TAF2: variants seen among roughly 807,000 people sequenced by gnomAD.
The protein encoded by TAF2 is transcription initiation factor TFIID subunit 2.
In TAF2, 61 loss-of-function variants were observed where a neutral mutation model predicts 138.5. The observed-to-expected ratio is 0.44, with a 90% CI of 0.36 to 0.54. The LOEUF is 0.54. TAF2 is among the 20% of genes least tolerant of loss of function. TAF2 has a pLI of 0.00. For missense variants in TAF2, 1,090 were observed against 1,427.9 expected, an observed-to-expected ratio of 0.76 and a Z score of 3.81; for synonymous variants, 475 against 469.9, an observed-to-expected ratio of 1.01 and a Z score of -0.14.
At chr8:119,802,347 C>G (rs1824323011) in intron 5 of TAF2, among the ~76,000 whole-genome samples, 2 of 152,296 alleles carry the variant, frequency 1.3e-5, no homozygotes, top group South Asian at 4.1e-4. Flanking sequence ...TTTTATGCAG[C>G]ATTCATTTCT....
intron 7 of TAF2, 152 bp from the exon 8 acceptor site, chr8:119,797,255 A>G (rs1823892387): frequency 1.5e-6 from 1 of 670,038 alleles, no homozygotes; most frequent in Non-Finnish European, 2.6e-6. Context: ...GCTAAAATTC[A>G]TCATCTTAGT....
Position 119,764,077 on chromosome 8 carries a change from T to C in TAF2, c.2365-1469A>G, listed in dbSNP as rs1010081928. On this transcript the variant is annotated intron_variant, in intron 18 of 25. Transcript: ENST00000378164. ...AGCAGAACTGCTTGAATCTGGGAGG[T>C]GGAGGTTGCAGTGAGCCGAGATTGT... Among the ~76,000 whole-genome samples, 7 of 147,500 alleles carry C rather than the reference T, an allele frequency of 4.7e-5. No individual in the cohort carries two copies. The South Asian group carries it at 1.5e-3, about 32-fold the overall frequency.
chr8:119,832,623 G>A lies in TAF2; in HGVS notation c.-59C>T. The A allele has an allele frequency of 6.5e-7, 1 of 1,529,886 alleles. No individual in the cohort carries two copies. 94.8% of individuals were successfully genotyped at this position (1,529,886 alleles called of 1,614,324 possible). On this transcript the variant is annotated 5_prime_UTR_variant, in exon 1 of 26. Coordinates refer to ENST00000378164, the MANE Select transcript of TAF2 (RefSeq NM_003184.4). ...CCTAGGGGGATACGGGGCATTACTA[G>A]TCTTTGGCACCTCACACTCTCCACT...
intron 22 of TAF2, among the ~76,000 whole-genome samples, chr8:119,754,330 G>A (rs1820555353): frequency 6.6e-6 from 1 of 152,130 alleles, no homozygotes; most frequent in Admixed American, 6.5e-5. Context: ...AATGAGATAG[G>A]CAGGACAACT....
intron 2 of TAF2, among the ~76,000 whole-genome samples, chr8:119,830,771 T>C (rs1826395594): frequency 1.3e-5 from 2 of 152,172 alleles, no homozygotes; most frequent in African/African-American, 4.8e-5. Context: ...CATTTTAGCC[T>C]ATGTAATAAA....
At chr8:119,738,346 T>C (rs1262548270) in intron 25 of TAF2, among the ~76,000 whole-genome samples, 1 of 152,094 alleles carries the variant, frequency 6.6e-6, no homozygotes, top group African/African-American at 2.4e-5. Context: ...ACAATACATA[T>C]ATTACCATCC....
intron 25 of TAF2, among the ~76,000 whole-genome samples, chr8:119,740,961 C>T (rs1348788123): frequency 6.6e-6 from 1 of 151,986 alleles, no homozygotes; most frequent in Non-Finnish European, 1.5e-5. Flanking sequence ...TACATTTTTG[C>T]CTCATGCCAA....
At position 119,788,915 on chromosome 8, in the gene TAF2, G is replaced by T. The variant is rs368720629; in HGVS notation, c.1569-11C>A. On this transcript the variant is annotated splice_polypyrimidine_tract_variant and intron_variant, in intron 12 of 25. Transcript: ENST00000378164. ...ACTCCACTCTGATCTCTGAAGAATT[G>T]TAAAGGAAAGTTTACATACTGAAAC... is the stretch of plus-strand genomic sequence containing the variant. 3.3e-6 allele frequency: 5 copies of T among 1,535,720 alleles called. No homozygotes were observed. The highest frequency in any genetic ancestry group is 4.5e-6 in the Non-Finnish European group (5 of 1,108,876).
chr8:119,777,877 G>A (rs1822367482), intron 18 of TAF2, 142 bp downstream of exon 18: 2 of 561,060 alleles, frequency 3.6e-6, no homozygotes, highest in South Asian at 4.5e-5. Context: ...GTCAAGGACT[G>A]TGGACAGTCA....
At chr8:119,762,098 G>A (rs984097620) in intron 19 of TAF2, among the ~76,000 whole-genome samples, 1 of 151,928 alleles carries the variant, frequency 6.6e-6, no homozygotes, top group Non-Finnish European at 1.5e-5. Context: ...AAAATCCAAC[G>A]AAATAAAAGA....
Position 119,768,402 on chromosome 8 carries a change from T to C in TAF2, c.2365-5794A>G, listed in dbSNP as rs1821592374. On this transcript the variant is annotated intron_variant, in intron 18 of 25. Transcript: ENST00000378164. ...ACACACTGCATTTTCATGCCTCTTG[T>C]ACTTTTGTTAATGTGTTCTTAACCC... 9.2e-5 allele frequency among the ~76,000 whole-genome samples: 14 copies of C among 152,206 alleles called. No homozygotes were observed. The South Asian group carries it at 2.9e-3, about 32-fold the overall frequency.
intron 18 of TAF2, chr8:119,766,869 A>T (rs1821462436): frequency 6.6e-6 from 1 of 152,242 alleles, no homozygotes. Flanking sequence ...GATGGAAGAT[A>T]CATGATATAT....
chr8:119,793,529 C>G lies in TAF2; in HGVS notation c.1192-78G>C, dbSNP rs888412609. The stretch of plus-strand genomic sequence containing the variant: ...TTACATACCAAATTTTAGAATTAAA[C>G]TGTGAATTCTCATTTCCTAAAATCA... On this transcript the variant is annotated intron_variant, in intron 9 of 25. Coordinates refer to ENST00000378164, the MANE Select transcript of TAF2 (RefSeq NM_003184.4). 479 of 978,088 alleles carry G rather than the reference C, an allele frequency of 4.9e-4. 2 individuals are homozygous for G. Among genetic ancestry groups the G allele is most frequent in the Non-Finnish European group, 7.0e-4 (439 of 625,926 alleles). The allele number at this position is 978,088 out of a possible 1,614,324, so 60.6% of individuals were successfully genotyped here. A position where few individuals can be genotyped will look rare whatever the true frequency, so the allele number is the denominator to read the frequency against.
chr8:119,831,195 CGGGAGGCAGG>C (rs1039603943), intron 2 of TAF2, among the ~76,000 whole-genome samples: 12 of 152,170 alleles, frequency 7.9e-5, no homozygotes, highest in South Asian at 4.2e-4. Context: ...TAAATTGTGT[CGGGAGGCAGG>C]GGGAGGTAGA....
chr8:119,777,190 T>TC (rs1212910610), intron 18 of TAF2, among the ~76,000 whole-genome samples: 2 of 152,158 alleles, frequency 1.3e-5, no homozygotes, highest in Non-Finnish European at 1.5e-5. Context: ...ATAAAGAACT[T>TC]CAACATTTAT....
chr8:119,737,397 A>C (rs970087573), intron 25 of TAF2, among the ~76,000 whole-genome samples: 5 of 152,116 alleles, frequency 3.3e-5, no homozygotes, highest in African/African-American at 1.2e-4. Flanking sequence ...AGATTAAATA[A>C]GACTGACCAT....
chr8:119,734,735 A>C (rs1348959489), intron 25 of TAF2, among the ~76,000 whole-genome samples: 1 of 152,210 alleles, frequency 6.6e-6, no homozygotes, highest in African/African-American at 2.4e-5. Context: ...ACAGACTAGC[A>C]AAGAAGAAAT....
intron 2 of TAF2, among the ~76,000 whole-genome samples, chr8:119,826,162 G>A (rs1290873802): frequency 6.6e-6 from 1 of 151,814 alleles, no homozygotes; most frequent in Non-Finnish European, 1.5e-5. Flanking sequence ...CCTAATGTAG[G>A]TGACAAGTTT....
rs745831299 is a variant in TAF2, at chr8:119,832,540, C to T, written c.25G>A (p.Ala9Thr). 52 of 1,613,536 alleles carry T rather than the reference C, an allele frequency of 3.2e-5. 1 individual carries two copies. The South Asian group carries it at 5.4e-4, about 17-fold the overall frequency. MPLTGVEPARMNRKKGDKG... is the reference protein window; with the variant it reads MPLTGVEPTRMNRKKGDKG... ...TCTCCTTTCTTCCTGTTCATTCTGG[C>T]GGGCTCTACACCAGTCAGCGGCATG... Residue 9 changes from alanine to threonine, a missense_variant, in exon 1 of 26, where the codon GCC becomes ACC. Physicochemically the swap from Ala to Thr is moderately conservative, Grantham distance 58. Around this residue, in one of 3 missense-constraint regions of TAF2, gnomAD observed 504 missense variants for 680.9 expected, o/e 0.74. Transcript: ENST00000378164.
Sources: allele counts gnomAD v4.1 joint callset (sites outside exome capture counted in the v4.1 genomes callset), GRCh38; gene constraint gnomAD v4.1.1; regional missense constraint gnomAD v4.1.1; transcripts MANE v1.5; gene names NCBI Gene and HGNC (gene_info 2026-07-23, HGNC 2026-07-21).